The following MCTP1 variants were observed in gnomAD, a reference collection of about 807,000 sequenced individuals.
MCTP1 encodes multiple C2 and transmembrane domain-containing protein 1.
In MCTP1, 69 loss-of-function variants were observed where a neutral mutation model predicts 120.6. The ratio of observed to expected loss-of-function variants is 0.57; its 90% confidence interval spans 0.47 to 0.70. The LOEUF is 0.70. Among genes scored for constraint, MCTP1 ranks in the 30% least tolerant of loss-of-function variants. MCTP1 has a pLI of 0.00. For synonymous variants in MCTP1, 529 were observed against 493.1 expected (o/e 1.07, Z -0.96); for missense variants, 1,203 against 1,248.8 (o/e 0.96, Z 0.55).
At chr5:94,949,185 TA>T (rs1819868189) in intron 3 of MCTP1, among the ~76,000 whole-genome samples, 1 of 152,206 alleles carries the variant, frequency 6.6e-6, no homozygotes, top group Non-Finnish European at 1.5e-5. Flanking sequence ...ATGTTACTTT[TA>T]TCTCTTCTAC....
At chr5:95,046,200 A>C (rs1359351505) in intron 1 of MCTP1, among the ~76,000 whole-genome samples, 2 of 152,212 alleles carry the variant, frequency 1.3e-5, no homozygotes, top group Non-Finnish European at 2.9e-5. Context: ...AAATTTGTAC[A>C]GATAGAGATG....
intron 19 of MCTP1, among the ~76,000 whole-genome samples, chr5:94,729,789 G>A (rs1762801586): frequency 6.6e-6 from 1 of 152,206 alleles, no homozygotes; most frequent in Non-Finnish European, 1.5e-5. Context: ...GAGAAATAGT[G>A]CCACAGAGGG....
chr5:94,953,379 T>A lies in MCTP1; in HGVS notation c.839-18A>T, dbSNP rs1159135721. 1 of 1,554,534 alleles carries A rather than the reference T, an allele frequency of 6.4e-7. No homozygotes were observed. The highest frequency in any genetic ancestry group is 8.7e-7 in the Non-Finnish European group (1 of 1,150,006). On this transcript the variant is annotated intron_variant, in intron 2 of 22. Transcript: ENST00000515393. ...ACTCGTCCCTGTTAAATAGATAGAT[T>A]GATCCATGTTAATCATGACTTGGTT... is the stretch of plus-strand genomic sequence containing the variant.
At chr5:94,783,071 G>T (rs1037509720) in intron 18 of MCTP1, among the ~76,000 whole-genome samples, 1 of 151,942 alleles carries the variant, frequency 6.6e-6, no homozygotes, top group African/African-American at 2.4e-5. Flanking sequence ...AATGTCGCTC[G>T]TCACAGACTT....
At chr5:94,867,303 T>C in intron 17 of MCTP1, 1 of 1,532,144 alleles carries the variant, frequency 6.5e-7, no homozygotes, top group Non-Finnish European at 8.7e-7. Context: ...TGCCTAACTT[T>C]CTGGTAACTT....
At chr5:95,068,682 G>T in intron 1 of MCTP1, 1 of 600,608 alleles carries the variant, frequency 1.7e-6, no homozygotes, top group Non-Finnish European at 2.4e-6. Flanking sequence ...ATGTCGGTTT[G>T]CATTACTATG....
At chr5:95,152,042 G>A (rs969726139) in intron 1 of MCTP1, among the ~76,000 whole-genome samples, 5 of 152,042 alleles carry the variant, frequency 3.3e-5, no homozygotes, top group Admixed American at 6.5e-5. Context: ...TAAACAGTAC[G>A]GAAAAAAAGT....
intron 1 of MCTP1, among the ~76,000 whole-genome samples, chr5:95,237,434 G>A (rs937315745): frequency 3.3e-5 from 5 of 152,094 alleles, no homozygotes; most frequent in Admixed American, 2.0e-4. Flanking sequence ...CTGGTAAGAC[G>A]GACCTCAAAC....
intron 2 of MCTP1, among the ~76,000 whole-genome samples, chr5:95,001,579 A>G (rs1003994835): frequency 1.3e-5 from 2 of 152,218 alleles, no homozygotes; most frequent in African/African-American, 4.8e-5. Flanking sequence ...GGGAACCAGC[A>G]TAAAGGTGAC....
chr5:94,954,163 TATATACATATATATATATGC>T lies in MCTP1; in HGVS notation c.839-822_839-803del, dbSNP rs1385077153. 2.4e-3 allele frequency among the ~76,000 whole-genome samples: 237 copies of T among 100,208 alleles called. 41 individuals are homozygous for T. The highest frequency in any genetic ancestry group is 8.7e-3 in the African/African-American group (201 of 23,070). The allele number at this position is 100,208 out of a possible 152,430, so 65.7% of individuals were successfully genotyped here. ...ATATATATACATATATATATGCATA[TATATACATATATATATATGC>T]ATATATATATATATATATATATGCC... On this transcript the variant is annotated intron_variant, in intron 2 of 22. Coordinates refer to ENST00000515393, the MANE Select transcript of MCTP1 (RefSeq NM_024717.7).
chr5:94,857,240 T>C (rs1240572915), intron 17 of MCTP1, among the ~76,000 whole-genome samples: 2 of 151,716 alleles, frequency 1.3e-5, no homozygotes, highest in Non-Finnish European at 3.0e-5. Context: ...TTATTGAGTG[T>C]GCATGAAAAC....
intron 1 of MCTP1, among the ~76,000 whole-genome samples, chr5:95,213,832 TC>T (rs1474972530): frequency 1.3e-5 from 2 of 152,254 alleles, no homozygotes; most frequent in African/African-American, 4.8e-5. Context: ...TGAAACTGGA[TC>T]CCTTCCTTAC....
At chr5:95,072,715 C>T (rs72779419) in intron 1 of MCTP1, among the ~76,000 whole-genome samples, 6,972 of 148,192 alleles carry the variant, frequency 0.047, 208 homozygotes, top group Middle Eastern at 0.079. Context: ...GTTCTAGCTC[C>T]AAATTTGGAC....
At chr5:95,067,277 G>A (rs1044803483) in intron 1 of MCTP1, among the ~76,000 whole-genome samples, 3 of 152,096 alleles carry the variant, frequency 2.0e-5, no homozygotes, top group East Asian at 1.9e-4. Flanking sequence ...TCGAAAGGAG[G>A]GGATTTTGAA....
chr5:95,195,437 G>C (rs1356595854), intron 1 of MCTP1, among the ~76,000 whole-genome samples: 1 of 152,176 alleles, frequency 6.6e-6, no homozygotes, highest in Non-Finnish European at 1.5e-5. Flanking sequence ...GAGATGTTCA[G>C]CAATGGTGGG....
At chr5:94,974,517 C>G (rs1015069163) in intron 2 of MCTP1, among the ~76,000 whole-genome samples, 5 of 151,944 alleles carry the variant, frequency 3.3e-5, no homozygotes, top group African/African-American at 1.2e-4. Flanking sequence ...CCACTGTACT[C>G]CAGCCTGGGC....
At chr5:95,118,001 T>G (rs1028504531) in intron 1 of MCTP1, among the ~76,000 whole-genome samples, 2 of 151,880 alleles carry the variant, frequency 1.3e-5, no homozygotes, top group Admixed American at 6.6e-5. Context: ...AGGGGAACAA[T>G]ACATATGGGG....
intron 18 of MCTP1, among the ~76,000 whole-genome samples, chr5:94,782,701 C>T: frequency 6.6e-6 from 1 of 151,770 alleles, no homozygotes; most frequent in Non-Finnish European, 1.5e-5. Context: ...GCTCTTTCCT[C>T]TTCAAATAAA....
chr5:95,123,624 A>G (rs1173902095), intron 1 of MCTP1, among the ~76,000 whole-genome samples: 1 of 150,388 alleles, frequency 6.6e-6, no homozygotes, highest in African/African-American at 2.4e-5. Context: ...GGTTTCTAAG[A>G]AAGTATTTGG....
Sources: allele counts gnomAD v4.1 joint callset (sites outside exome capture counted in the v4.1 genomes callset), GRCh38; gene constraint gnomAD v4.1.1; transcripts MANE v1.5; gene names NCBI Gene and HGNC (gene_info 2026-07-23, HGNC 2026-07-21).